The following ENOX2 variants were observed in gnomAD, a reference collection of about 807,000 sequenced individuals.
ENOX2 encodes ecto-NOX disulfide-thiol exchanger 2.
A neutral mutation model predicts 45.0 loss-of-function variants in ENOX2; 36 were observed. The ratio of observed to expected loss-of-function variants is 0.80; its 90% CI spans 0.61 to 1.06. The LOEUF is 1.06. Among genes scored for constraint, ENOX2 ranks in the 50% least tolerant of loss-of-function variants. The pLI is 0.00. For missense variants in ENOX2, 423 were observed against 462.5 expected (o/e 0.91, Z 0.78); for synonymous variants, 174 against 152.3 (o/e 1.14, Z -1.05).
intron 2 of ENOX2, among the ~76,000 whole-genome samples, chrX:130,787,831 T>G (rs185558292): frequency 3.2e-3 from 361 of 111,619 alleles, no homozygotes; most frequent in African/African-American, 0.011. Flanking sequence ...CAGGCCTAAT[T>G]TTTTTTATAG....
chrX:130,755,467 C>A (rs1358041321), intron 3 of ENOX2, among the ~76,000 whole-genome samples: 2 of 111,252 alleles, frequency 1.8e-5, no homozygotes, highest in East Asian at 5.6e-4. Flanking sequence ...GTAAAGTCTG[C>A]TCTCTGGGAA....
chrX:130,876,968 G>A (rs1277159163), intron 2 of ENOX2, among the ~76,000 whole-genome samples: 1 of 111,875 alleles, frequency 8.9e-6, no homozygotes, highest in East Asian at 2.8e-4. Context: ...AGTAGATATA[G>A]GGAATAGATT....
In ENOX2 at chrX:130,718,875, C is replaced by T. The variant is rs779888584; in HGVS notation, c.-38-15621G>A. Among the ~76,000 whole-genome samples, 9 of 111,668 alleles carry T rather than the reference C, an allele frequency of 8.1e-5. 1 individual carries two copies. The South Asian group carries it at 1.5e-3, about 19-fold the overall frequency. On this transcript the variant is annotated intron_variant, in intron 3 of 14. Coordinates refer to ENST00000394363, the MANE Select transcript of ENOX2 (RefSeq NM_006375.4). ...TGTTTGCTCTGGTCTACGTCAGTGC[C>T]GGAGCCCAGGGCAGAAAGTAGTCAC...
intron 2 of ENOX2, among the ~76,000 whole-genome samples, chrX:130,892,454 G>A (rs140427927): frequency 0.035 from 3,956 of 112,266 alleles, 60 homozygotes; most frequent in Middle Eastern, 0.096. Context: ...TACCAGGCAG[G>A]TGGAGACATC....
chrX:130,637,829 TAA>T (rs965279805), intron 10 of ENOX2, among the ~76,000 whole-genome samples: 1 of 111,680 alleles, frequency 9.0e-6, no homozygotes, highest in African/African-American at 3.3e-5. Flanking sequence ...TAGCTTTGTA[TAA>T]AGAGTCAGAT....
intron 2 of ENOX2, among the ~76,000 whole-genome samples, chrX:130,832,013 C>A (rs2077840757): frequency 1.8e-5 from 2 of 110,431 alleles, no homozygotes; most frequent in Admixed American, 1.9e-4. Context: ...GATCCCAAAC[C>A]TTTTGCCAAC....
intron 5 of ENOX2, among the ~76,000 whole-genome samples, chrX:130,683,640 C>T (rs1420910570): frequency 3.6e-5 from 4 of 110,884 alleles, no homozygotes; most frequent in Non-Finnish European, 7.5e-5. Context: ...AAGGTCTAAT[C>T]GCTGAAGTGA....
intron 3 of ENOX2, among the ~76,000 whole-genome samples, chrX:130,722,947 TAG>T (rs1701181382): frequency 8.9e-6 from 1 of 112,287 alleles, no homozygotes; most frequent in East Asian, 2.8e-4. Context: ...GTCTGACAAC[TAG>T]AGAGACCCTT....
intron 3 of ENOX2, among the ~76,000 whole-genome samples, chrX:130,715,786 T>A (rs767862563): frequency 1.1e-4 from 12 of 111,913 alleles, no homozygotes; most frequent in Non-Finnish European, 2.1e-4. Flanking sequence ...GTTAGGCAAG[T>A]GATTTCATGT....
At chrX:130,659,524 G>C (rs1449245527) in intron 9 of ENOX2, among the ~76,000 whole-genome samples, 2 of 112,093 alleles carry the variant, frequency 1.8e-5, no homozygotes, top group Non-Finnish European at 3.8e-5. Context: ...AACAATAAAG[G>C]AATTTCTCAT....
At chrX:130,772,422 C>T (rs1603345233) in intron 3 of ENOX2, among the ~76,000 whole-genome samples, 1 of 111,305 alleles carries the variant, frequency 9.0e-6, no homozygotes, top group East Asian at 2.8e-4. Flanking sequence ...GATTAGAAAA[C>T]AGCTTGCCAG....
intron 11 of ENOX2, 103 bp from the exon 12 acceptor site, chrX:130,635,194 C>G (rs1169928778): frequency 2.3e-6 from 1 of 430,441 alleles, no homozygotes; most frequent in Non-Finnish European, 3.9e-6. Context: ...GCCTCACTTT[C>G]CTCCAGCACA....
intron 3 of ENOX2, among the ~76,000 whole-genome samples, chrX:130,746,627 A>C (rs1238236481): frequency 8.9e-6 from 1 of 111,816 alleles, no homozygotes; most frequent in African/African-American, 3.3e-5. Flanking sequence ...AGAATTTCCC[A>C]CTGCCAAAAC....
At position 130,901,712 on chromosome X, in the gene ENOX2, T is replaced by C. The variant is rs970039525; in HGVS notation, c.-211A>G. ...CACACTTCTTTGTGTTCTCCAAGAA[T>C]TGATCTCAAATCAGGTTCCCTAGGA... is the stretch of plus-strand genomic sequence containing the variant. On this transcript the variant is annotated 5_prime_UTR_variant, in exon 2 of 15. Transcript: ENST00000394363. The C allele has an allele frequency of 6.2e-5, 7 of 112,361 alleles. No individual in the cohort carries two copies. Among genetic ancestry groups the C allele is most frequent in the Non-Finnish European group, 1.1e-4 (6 of 53,240 alleles). 9.3% of individuals were successfully genotyped at this position (112,361 alleles called of 1,213,427 possible).
chrX:130,798,749 T>C (rs186126732), intron 2 of ENOX2, among the ~76,000 whole-genome samples: 2 of 111,962 alleles, frequency 1.8e-5, no homozygotes, highest in East Asian at 5.6e-4. Context: ...GGGACTGGCT[T>C]TGAATCTCAT....
At chrX:130,766,563 A>G (rs766317050) in intron 3 of ENOX2, among the ~76,000 whole-genome samples, 1 of 111,914 alleles carries the variant, frequency 8.9e-6, no homozygotes, top group Non-Finnish European at 1.9e-5. Flanking sequence ...TTTTCTATTA[A>G]AAGTTTTGGA....
intron 3 of ENOX2, among the ~76,000 whole-genome samples, chrX:130,709,075 G>T (rs2038112333): frequency 8.9e-6 from 1 of 111,957 alleles, no homozygotes; most frequent in Admixed American, 9.4e-5. Flanking sequence ...TTACTAAAAT[G>T]AAAGTCCATG....
At chrX:130,826,670 G>A (rs1236010657) in intron 2 of ENOX2, among the ~76,000 whole-genome samples, 1 of 111,987 alleles carries the variant, frequency 8.9e-6, no homozygotes, top group African/African-American at 3.2e-5. Context: ...AAGTGAACAA[G>A]AGATAATTCA....
chrX:130,838,337 G>A (rs1303159319), intron 2 of ENOX2, among the ~76,000 whole-genome samples: 2 of 111,865 alleles, frequency 1.8e-5, no homozygotes, highest in African/African-American at 3.3e-5. Context: ...AGCCGAGATC[G>A]CGCCACTGCA....
Sources: gnomAD v4.1 joint callset for allele counts (sites outside exome capture counted in the v4.1 genomes callset) on GRCh38, gnomAD v4.1.1 for gene constraint, MANE v1.5 for transcripts, NCBI Gene and HGNC (gene_info 2026-07-23, HGNC 2026-07-21) for gene names.